CALY: variants seen among roughly 807,000 people sequenced by gnomAD.
CALY encodes the protein calcyon neuron specific vesicular protein.
CALY carries 15 observed loss-of-function variants against 20.2 expected under a neutral mutation model. The ratio of observed to expected loss-of-function variants is 0.74; its 90% CI spans 0.50 to 1.14. The LOEUF is 1.14. Among genes scored for constraint, CALY ranks in the 50% most tolerant of loss-of-function variants. The pLI is 0.00. For synonymous variants in CALY, 129 were observed against 131.8 expected, an observed-to-expected ratio of 0.98 and a Z score of 0.15; for missense variants, 270 against 304.4, an observed-to-expected ratio of 0.89 and a Z score of 0.84.
At position 133,324,995 on chromosome 10, in the gene CALY, C is replaced by G. The variant is rs1848179852; in HGVS notation, c.*600G>C. 1 of 167,524 alleles carries G rather than the reference C, an allele frequency of 6.0e-6. No individual in the cohort carries two copies. Among genetic ancestry groups the G allele is most frequent in the Non-Finnish European group, 1.3e-5 (1 of 77,128 alleles). The allele number at this position is 167,524 out of a possible 1,614,324, so 10.4% of individuals were successfully genotyped here. On this transcript the variant is annotated 3_prime_UTR_variant, in exon 6 of 6. Coordinates refer to ENST00000252939, the MANE Select transcript of CALY (RefSeq NM_015722.4). Reference sequence around the variant, plus strand: ...GCCTGTGGGCCACACATCTAGGAGGCAGGAGCTGCTCATGGGTGCCGCCCA... The same window carrying G: ...GCCTGTGGGCCACACATCTAGGAGGGAGGAGCTGCTCATGGGTGCCGCCCA...
At chr10:133,335,735 C>T (rs1367953957) in intron 1 of CALY, among the ~76,000 whole-genome samples, 2 of 152,250 alleles carry the variant, frequency 1.3e-5, no homozygotes, top group Admixed American at 1.3e-4. Context: ...TGCTTCTCCT[C>T]CCGGCCCCTC....
At chr10:133,334,911 A>G (rs1848408670) in intron 1 of CALY, among the ~76,000 whole-genome samples, 1 of 152,058 alleles carries the variant, frequency 6.6e-6, no homozygotes, top group Non-Finnish European at 1.5e-5. Flanking sequence ...TGTCCCCCAG[A>G]CCACCCACCC....
chr10:133,335,410 G>T (rs911348510), intron 1 of CALY, among the ~76,000 whole-genome samples: 5 of 152,228 alleles, frequency 3.3e-5, no homozygotes, highest in Non-Finnish European at 7.4e-5. Flanking sequence ...CTGCGCTTGA[G>T]GGGTCCCCTT....
At chr10:133,332,155 A>T (rs899268105) in intron 1 of CALY, among the ~76,000 whole-genome samples, 1 of 149,132 alleles carries the variant, frequency 6.7e-6, no homozygotes, top group Non-Finnish European at 1.5e-5. Context: ...AACATGGAGG[A>T]GGTCTCATCT....
chr10:133,332,149 T>C (rs1016761731), intron 1 of CALY, among the ~76,000 whole-genome samples: 2 of 148,304 alleles, frequency 1.3e-5, no homozygotes, highest in African/African-American at 2.5e-5. Flanking sequence ...AAAAAGAACA[T>C]GGAGGAGGTC....
chr10:133,326,785 C>G, intron 4 of CALY, 93 bp downstream of exon 4: 2 of 753,150 alleles, frequency 2.7e-6, no homozygotes, highest in Non-Finnish European at 4.7e-6. Context: ...CCACGTTCCC[C>G]CAGCAGCAGG....
chr10:133,336,035 G>T (rs949953422), intron 1 of CALY, among the ~76,000 whole-genome samples: 4 of 152,084 alleles, frequency 2.6e-5, no homozygotes, highest in Admixed American at 2.0e-4. Flanking sequence ...CGTCACGCTG[G>T]GGGGTGCGCG....
At position 133,327,988 on chromosome 10, in the gene CALY, G is replaced by C. The variant is rs769300859; in HGVS notation, c.163C>G (p.Gln55Glu). The change falls in exon 3 of 6, where the codon CAG becomes GAG. Residue 55 changes from glutamine to glutamate, a missense_variant. Coordinates refer to ENST00000252939, the MANE Select transcript of CALY (RefSeq NM_015722.4). The part of the protein sequence containing the change: ...QVVIKTQTEY[Q>E]LSSPDQQNFP... The stretch of plus-strand genomic sequence containing the variant: ...TTCTGCTGGTCTGGGGAGGACAGCT[G>C]GTATTCTGTCTGTGTCTTGATGACC... The C allele has an allele frequency of 7.4e-6, 12 of 1,611,816 alleles. No individual in the cohort carries two copies. In the South Asian group the frequency reaches 1.3e-4, roughly 18 times the overall value.
At position 133,326,950 on chromosome 10, in the gene CALY, C is replaced by T; in HGVS notation, c.288G>A (p.Leu96=). 6.2e-7 allele frequency: 1 copy of T among 1,611,042 alleles called. No homozygotes were observed. The change falls in exon 4 of 6, where the codon CTG becomes CTA. Residue 96 remains leucine, a synonymous_variant. Transcript: ENST00000252939. ...CCTTGTACATGATCAGCACGCAGCC[C>T]AGTAGCGCCATGGCGAAGGCGATCA... ...ARMIAFAMAL[L]GCVLIMYKAI...
intron 1 of CALY, among the ~76,000 whole-genome samples, chr10:133,335,307 C>T (rs1848419935): frequency 6.6e-6 from 1 of 152,164 alleles, no homozygotes; most frequent in African/African-American, 2.4e-5. Flanking sequence ...CACCAGGGCC[C>T]GCAGCGCCAT....
At chr10:133,336,174 T>C (rs991202064) in intron 1 of CALY, among the ~76,000 whole-genome samples, 1 of 152,094 alleles carries the variant, frequency 6.6e-6, no homozygotes, top group Non-Finnish European at 1.5e-5. Flanking sequence ...GCCCCGCTTA[T>C]TAAAAGGCAG....
chr10:133,328,066 G>T, intron 2 of CALY, 51 bp from the exon 3 acceptor site: 1 of 1,206,022 alleles, frequency 8.3e-7, no homozygotes, highest in South Asian at 1.3e-5. Context: ...AGGGACCCAA[G>T]AGAGCCCTGA....
At position 133,326,263 on chromosome 10, in the gene CALY, A is replaced by C. The variant is rs926657078; in HGVS notation, c.361-143T>G. The C allele has an allele frequency of 2.6e-6, 4 of 1,550,532 alleles. No homozygotes were observed. The South Asian group carries it at 4.8e-5, about 18-fold the overall frequency. On this transcript the variant is annotated intron_variant, in intron 4 of 5. Transcript: ENST00000252939. ...TTCAGGACACCGAAGATCAGCCTCCAGTTCAGAACTCAGGGCCCTGGAGGG... is the reference window on the plus strand; with the variant it reads ...TTCAGGACACCGAAGATCAGCCTCCCGTTCAGAACTCAGGGCCCTGGAGGG...
chr10:133,326,778 C>T (rs1848219831), intron 4 of CALY, 100 bp downstream of exon 4: 5 of 719,978 alleles, frequency 6.9e-6, no homozygotes, highest in East Asian at 2.7e-5. Flanking sequence ...TTGGAGACCA[C>T]GTTCCCCCAG....
Position 133,325,892 on chromosome 10 carries a change from C to T in CALY, c.589G>A (p.Ala197Thr), listed in dbSNP as rs140691452. The T allele has an allele frequency of 9.3e-3, 11,798 of 1,275,088 alleles. 532 individuals carry two copies. The African/African-American group carries it at 0.12, about 13-fold the overall frequency. 79.0% of individuals were successfully genotyped at this position (1,275,088 alleles called of 1,614,324 possible). Residue 197 changes from alanine (A) to threonine (T), a missense_variant, in exon 5 of 6, where the codon GCC (alanine) becomes ACC (threonine). Ala to Thr is a moderately conservative substitution (Grantham distance 58, BLOSUM62 0). Transcript: ENST00000252939. ...CGCGCCGCCTCCTTCTCCGCCTTGG[C>T]CGACGGCTTCCCGGGGGGTTCGGTG... is the stretch of plus-strand genomic sequence containing the variant. ...AATEPPGKPS[A>T]KAEKEAARKA...
intron 3 of CALY, chr10:133,327,670 C>A: frequency 1.6e-6 from 1 of 626,174 alleles, no homozygotes; most frequent in Non-Finnish European, 2.9e-6. Flanking sequence ...GAAAGAAAAA[C>A]ATCTCAGGAG....
At chr10:133,330,338 A>G (rs1290164456) in intron 1 of CALY, among the ~76,000 whole-genome samples, 72 of 84,270 alleles carry the variant, frequency 8.5e-4, no homozygotes, top group East Asian at 1.8e-3. Context: ...AGGTGACAGA[A>G]CGAAACTCTG....
In CALY at chr10:133,324,517, A is replaced by G. The variant is rs1848171874; in HGVS notation, c.*1078T>C. ...TGCTGGCTGGGGTGGGCGGGGCTGC[A>G]GTGCTGCAATTGGCTGGGGTGGGCG... is the stretch of plus-strand genomic sequence containing the variant. On this transcript the variant is annotated 3_prime_UTR_variant, in exon 6 of 6. Coordinates refer to ENST00000252939, the MANE Select transcript of CALY (RefSeq NM_015722.4). 2.6e-6 allele frequency: 1 copy of G among 385,110 alleles called. No homozygotes were observed. Among genetic ancestry groups the G allele is most frequent in the Non-Finnish European group, 5.2e-6 (1 of 191,446 alleles). 23.9% of individuals were successfully genotyped at this position (385,110 alleles called of 1,614,324 possible). A position where few individuals can be genotyped will look rare whatever the true frequency, so the allele number is the denominator to read the frequency against.
Position 133,328,910 on chromosome 10 carries a change from A to G in CALY, c.80T>C (p.Val27Ala). 1 of 1,554,708 alleles carries G rather than the reference A, an allele frequency of 6.4e-7. No homozygotes were observed. Among genetic ancestry groups the G allele is most frequent in the Non-Finnish European group, 8.7e-7 (1 of 1,149,274 alleles). Residue 27 changes from valine to alanine, a missense_variant, in exon 2 of 6, where the codon GTG becomes GCG. Coordinates refer to ENST00000252939, the MANE Select transcript of CALY (RefSeq NM_015722.4). ...GATGTCCAAGGGGCTGATCAGAGGC[A>G]CACTGTCCATGGCAGCCCCATCCTG... The part of the protein sequence containing the change: ...GDQDGAAMDS[V>A]PLISPLDISQ...
Sources: allele counts gnomAD v4.1 joint callset (sites outside exome capture counted in the v4.1 genomes callset), GRCh38; gene constraint gnomAD v4.1.1; transcripts MANE v1.5; gene names NCBI Gene and HGNC (gene_info 2026-07-23, HGNC 2026-07-21).